The following LAMTOR5 variants were observed in gnomAD, a reference collection of about 807,000 sequenced individuals.
The protein encoded by LAMTOR5 is late endosomal/lysosomal adaptor, MAPK and MTOR activator 5, also known as ragulator complex protein LAMTOR5.
In LAMTOR5, 8 loss-of-function variants were observed where a neutral mutation model predicts 12.1. That is an observed-to-expected ratio of 0.66 (90% CI 0.39 to 1.19). LAMTOR5 has a LOEUF of 1.19. LAMTOR5 is among the 50% of genes most tolerant of loss of function. The pLI, the probability that LAMTOR5 is intolerant of heterozygous loss-of-function variation, is 0.01. For synonymous variants in LAMTOR5, 37 were observed against 41.9 expected, an observed-to-expected ratio of 0.88 and a Z score of 0.45; for missense variants, 110 against 112.8, an observed-to-expected ratio of 0.97 and a Z score of 0.11.
At chr1:110,407,269 C>A (rs1022435205) in intron 1 of LAMTOR5, 4 of 579,222 alleles carry the variant, frequency 6.9e-6, no homozygotes, top group Non-Finnish European at 1.2e-5. Context: ...CAAAAGTCAA[C>A]CCGTTTTCTA....
chr1:110,403,853 G>A, intron 3 of LAMTOR5, 66 bp downstream of exon 3: 1 of 1,594,414 alleles, frequency 6.3e-7, no homozygotes, highest in Non-Finnish European at 8.6e-7. Flanking sequence ...CACAGGGCCG[G>A]CCCCCGCCAA....
rs780268990 is a variant in LAMTOR5 at position 110,404,063 on chromosome 1, C to T, written c.98-27G>A. 14 of 1,610,102 alleles carry T rather than the reference C, an allele frequency of 8.7e-6. No homozygotes were observed. In the South Asian group the frequency reaches 1.6e-4, roughly 18 times the overall value. ...TGGAAAATAGAGATGATATATGTCA[C>T]CTGATTGCTCATAGAGTATTTCTGC... On this transcript the variant is annotated intron_variant, in intron 2 of 3. Transcript: ENST00000602318.
chr1:110,407,879 C>G (rs1165220307), upstream of LAMTOR5: 1 of 1,610,702 alleles, frequency 6.2e-7, no homozygotes, highest in Non-Finnish European at 8.5e-7. Flanking sequence ...CGGAACCGGC[C>G]GGCACGGATT....
chr1:110,405,241 A>G (rs1663305128), intron 2 of LAMTOR5, among the ~76,000 whole-genome samples: 1 of 150,218 alleles, frequency 6.7e-6, no homozygotes. Flanking sequence ...GCTTACTGCA[A>G]CCTCTGCCTC....
rs1213155123 is a variant in LAMTOR5 at position 110,406,342 on chromosome 1, CTG to C, written c.71_72del (p.Thr24ArgfsTer6). 2.5e-6 allele frequency: 4 copies of C among 1,608,588 alleles called. No homozygotes were observed. The African/African-American group carries it at 5.4e-5, about 22-fold the overall frequency. Reference protein sequence around the residue: ...KNPSIVGVLCTDSQGLNLGCR... With the variant: ...KNPSIVGVLCXDSQGLNLGCR... ...CAACCCAGATTAAGTCCTTGTGAAT[CTG>C]TGCACAGGACTCCAACAATGGAGGG... On this transcript the variant is annotated frameshift_variant, in exon 2 of 4. Coordinates refer to ENST00000602318, the MANE Select transcript of LAMTOR5 (RefSeq NM_001382293.1). LOFTEE classifies it high-confidence loss of function.
intron 3 of LAMTOR5, chr1:110,403,674 T>C: frequency 2.3e-6 from 1 of 433,696 alleles, no homozygotes; most frequent in East Asian, 4.3e-5. Context: ...TGCTATTTGT[T>C]ACTTTCTTTT....
intron 2 of LAMTOR5, among the ~76,000 whole-genome samples, chr1:110,404,812 CG>C (rs879711671): frequency 6.6e-6 from 1 of 152,056 alleles, no homozygotes. Context: ...CTTTGGGAGG[CG>C]GAGGTGGGTG....
upstream of LAMTOR5, chr1:110,407,857 C>G (rs1273985407): frequency 5.6e-6 from 9 of 1,613,018 alleles, no homozygotes; most frequent in African/African-American, 9.3e-5. Flanking sequence ...TGACCTGCAC[C>G]TGGCTCCATG....
chr1:110,405,486 CAT>C (rs1002139755), intron 2 of LAMTOR5, among the ~76,000 whole-genome samples: 20 of 151,882 alleles, frequency 1.3e-4, no homozygotes, highest in Admixed American at 6.6e-4. Flanking sequence ...ATTTTAAAAA[CAT>C]ATATATATGT....
chr1:110,403,263 T>C (rs946324815), intron 3 of LAMTOR5, among the ~76,000 whole-genome samples: 2 of 152,204 alleles, frequency 1.3e-5, no homozygotes, highest in Admixed American at 1.3e-4. Flanking sequence ...TTTTTTCACA[T>C]ATTATTCTGA....
chr1:110,406,995 T>G (rs1362489653), intron 1 of LAMTOR5: 1 of 684,614 alleles, frequency 1.5e-6, no homozygotes, highest in African/African-American at 1.8e-5. Context: ...GTTTTAGTAC[T>G]AACTCATTTA....
intron 1 of LAMTOR5, 173 bp downstream of exon 1, chr1:110,407,413 C>T: frequency 1.2e-6 from 1 of 821,768 alleles, no homozygotes. Flanking sequence ...AATTCCGGGT[C>T]ACCCGCCCCG....
intron 2 of LAMTOR5, among the ~76,000 whole-genome samples, chr1:110,405,702 G>A (rs1446122760): frequency 6.6e-6 from 1 of 152,080 alleles, no homozygotes; most frequent in African/African-American, 2.4e-5. Context: ...ACTTACAATG[G>A]TGCTTGGCAC....
chr1:110,405,871 T>A (rs1057087763), intron 2 of LAMTOR5, among the ~76,000 whole-genome samples: 8 of 152,174 alleles, frequency 5.3e-5, no homozygotes, highest in African/African-American at 1.7e-4. Context: ...AACACTGAAA[T>A]CCCATTTTAC....
chr1:110,407,780 C>T (rs749838005), upstream of LAMTOR5: 59 of 1,614,116 alleles, frequency 3.7e-5, no homozygotes, highest in Admixed American at 2.3e-4. Flanking sequence ...TACTGGAAAA[C>T]ATCACTGCGC....
At chr1:110,406,521 T>C in intron 1 of LAMTOR5, 142 bp from the exon 2 acceptor site, 1 of 559,444 alleles carries the variant, frequency 1.8e-6, no homozygotes, top group Non-Finnish European at 3.0e-6. Context: ...TGTCACACCC[T>C]AAGAAAAAAA....
intron 3 of LAMTOR5, among the ~76,000 whole-genome samples, chr1:110,403,307 T>C (rs548496581): frequency 5.9e-5 from 9 of 152,330 alleles, no homozygotes; most frequent in Non-Finnish European, 1.3e-4. Context: ...AGTAATTTTA[T>C]TGCTTTAGAA....
upstream of LAMTOR5, chr1:110,407,825 C>T (rs756833294): frequency 6.2e-7 from 1 of 1,613,920 alleles, no homozygotes; most frequent in South Asian, 1.1e-5. Context: ...GGCTTGGGCT[C>T]CCCGCGCGGT....
chr1:110,407,894 C>G, upstream of LAMTOR5: 2 of 1,602,992 alleles, frequency 1.2e-6, no homozygotes, highest in African/African-American at 1.3e-5. Flanking sequence ...CGGATTATTC[C>G]CCTCTCGGGA....
Sources: allele counts gnomAD v4.1 joint callset (sites outside exome capture counted in the v4.1 genomes callset), GRCh38; gene constraint gnomAD v4.1.1; transcripts MANE v1.5; gene names NCBI Gene and HGNC (gene_info 2026-07-23, HGNC 2026-07-21).